Variants in MYOCD observed in about 807,000 individuals in gnomAD.
MYOCD encodes the protein myocardin.
A neutral mutation model predicts 96.1 loss-of-function variants in MYOCD; 32 were observed. The ratio of observed to expected loss-of-function variants is 0.33; its 90% CI spans 0.25 to 0.45. The LOEUF (loss-of-function observed/expected upper bound fraction) is 0.45. Ranked by LOEUF, MYOCD falls within the 20% of genes least tolerant of loss-of-function variation. The pLI is 1.00. For synonymous variants in MYOCD, 469 were observed against 469.0 expected (o/e 1.00, Z 0.00); for missense variants, 1,133 against 1,200.6 (o/e 0.94, Z 0.83).
intron 6 of MYOCD, among the ~76,000 whole-genome samples, chr17:12,738,560 A>G (rs1054125427): frequency 1.3e-5 from 2 of 152,032 alleles, no homozygotes; most frequent in African/African-American, 2.4e-5. Context: ...TACACCTAAC[A>G]TGCACACACA....
intron 1 of MYOCD, among the ~76,000 whole-genome samples, chr17:12,700,149 T>C (rs1247350921): frequency 6.6e-6 from 1 of 151,950 alleles, no homozygotes; most frequent in African/African-American, 2.4e-5. Context: ...GACCTCGTGA[T>C]CCACTCACCT....
chr17:12,752,766 C>A lies in MYOCD; in HGVS notation c.1478C>A (p.Thr493Lys), dbSNP rs774155323. Residue 493 changes from threonine (T) to lysine (K), a missense_variant, in exon 10 of 14, where the codon ACG (threonine) becomes AAG (lysine). Thr to Lys is a moderately conservative substitution (Grantham distance 78, BLOSUM62 -1). Coordinates refer to ENST00000425538, the MANE Select transcript of MYOCD (RefSeq NM_001146312.3). ...GLHPSPVHVCTEESLMSSLNG... is the reference protein window; with the variant it reads ...GLHPSPVHVCKEESLMSSLNG... ...CACCCGTCCCCAGTCCACGTGTGCA[C>A]GGAGGAAAGTCTCATGAGCAGCCTG... 1 of 1,614,066 alleles carries A rather than the reference C, an allele frequency of 6.2e-7. No individual in the cohort carries two copies. The highest frequency in any genetic ancestry group is 2.2e-5 in the East Asian group (1 of 44,868).
At chr17:12,716,081 A>G (rs1441902394) in intron 3 of MYOCD, among the ~76,000 whole-genome samples, 1 of 152,204 alleles carries the variant, frequency 6.6e-6, no homozygotes, top group African/African-American at 2.4e-5. Flanking sequence ...CTGTACCTTC[A>G]TAACAAATCT....
At chr17:12,683,455 G>A (rs936071145) in intron 1 of MYOCD, among the ~76,000 whole-genome samples, 2 of 151,700 alleles carry the variant, frequency 1.3e-5, no homozygotes, top group Non-Finnish European at 2.9e-5. Flanking sequence ...GCTTTCTCTC[G>A]TGCGCGCGCG....
chr17:12,763,178 C>T lies in MYOCD; in HGVS notation c.2495C>T (p.Ser832Phe). Residue 832 changes from serine (S) to phenylalanine (F), a missense_variant, in exon 14 of 14, where the codon TCC (serine) becomes TTC (phenylalanine). By Grantham distance (155) the Ser-to-Phe change is radical (BLOSUM62 -2). Transcript: ENST00000425538. Reference sequence around the variant, plus strand: ...GCTGTCCTCACCAAGCCCTCGGCTTCCTTTGAACAAGCCTCTTCAGGCAGC... The same window carrying T: ...GCTGTCCTCACCAAGCCCTCGGCTTTCTTTGAACAAGCCTCTTCAGGCAGC... ...PTAVLTKPSA[S>F]FEQASSGSQI... 6.2e-7 allele frequency: 1 copy of T among 1,614,202 alleles called. No individual in the cohort carries two copies. Among genetic ancestry groups the T allele is most frequent in the Non-Finnish European group, 8.5e-7 (1 of 1,180,034 alleles).
chr17:12,670,148 G>C (rs1463177601), intron 1 of MYOCD, among the ~76,000 whole-genome samples: 1 of 152,138 alleles, frequency 6.6e-6, no homozygotes, highest in Non-Finnish European at 1.5e-5. Context: ...AGAGGCTCCA[G>C]AGGTTGGAGC....
chr17:12,690,761 C>T (rs903883055), intron 1 of MYOCD, among the ~76,000 whole-genome samples: 1 of 152,028 alleles, frequency 6.6e-6, no homozygotes, highest in African/African-American at 2.4e-5. Context: ...TTTATCAAGC[C>T]CCCCTAGGTG....
chr17:12,760,597 C>G, intron 12 of MYOCD, 53 bp from the exon 13 acceptor site: 1 of 1,441,982 alleles, frequency 6.9e-7, no homozygotes, highest in South Asian at 1.1e-5. Context: ...TGATTTCCTA[C>G]GGAGATAACC....
chr17:12,706,520 C>T (rs759380203), intron 2 of MYOCD, among the ~76,000 whole-genome samples: 4 of 152,206 alleles, frequency 2.6e-5, no homozygotes, highest in Non-Finnish European at 5.9e-5. Flanking sequence ...GGACCTGCAA[C>T]CTTTCCGTAA....
rs1235412874 is a variant in MYOCD, at chr17:12,753,349, A to G, written c.2058+3A>G. On this transcript the variant is annotated splice_donor_region_variant and intron_variant, in intron 10 of 13. Transcript: ENST00000425538. Reference sequence around the variant, plus strand: ...GCAGCCAGGTGTGCACTGCACAGGTAAGAGCACCTTGCGCCATGCCTGGTG... The same window carrying G: ...GCAGCCAGGTGTGCACTGCACAGGTGAGAGCACCTTGCGCCATGCCTGGTG... The G allele has an allele frequency of 1.9e-6, 3 of 1,559,002 alleles. No homozygotes were observed. The highest frequency in any genetic ancestry group is 2.3e-5 in the East Asian group (1 of 44,266).
chr17:12,744,238 C>A lies in MYOCD; in HGVS notation c.773C>A (p.Pro258Gln). Reference protein sequence around the residue: ...NRHKKPKDPKPKVKKLKYHQY... With the variant: ...NRHKKPKDPKQKVKKLKYHQY... ...CACAAAAAGCCCAAGGACCCCAAGC[C>A]AAAGGTGAAGAAGCTTAAATATCAC... Residue 258 changes from proline to glutamine, a missense_variant, in exon 8 of 14, where the codon CCA (proline) becomes CAA (glutamine). Coordinates refer to ENST00000425538, the MANE Select transcript of MYOCD (RefSeq NM_001146312.3). 1 of 1,614,182 alleles carries A rather than the reference C, an allele frequency of 6.2e-7. No individual in the cohort carries two copies.
intron 3 of MYOCD, 119 bp from the exon 4 acceptor site, chr17:12,717,227 G>T: frequency 1.4e-6 from 1 of 706,154 alleles, no homozygotes; most frequent in Non-Finnish European, 2.3e-6. Context: ...TCAAAATGTG[G>T]GACACCAAGA....
rs376581740 is a variant in MYOCD at position 12,754,415 on chromosome 17, T to C, written c.2058+1069T>C. On this transcript the variant is annotated intron_variant, in intron 10 of 13. Transcript: ENST00000425538. ...CCATGCCCAGCCGGAAATTTGCAAC[T>C]TTAAATAGAAGAGCCAGGGACGTTT... 3.3e-4 allele frequency among the ~76,000 whole-genome samples: 51 copies of C among 152,288 alleles called. No individual in the cohort carries two copies. In the East Asian group the frequency reaches 5.6e-3, roughly 17 times the overall value.
At chr17:12,719,728 G>A (rs1242715189) in intron 4 of MYOCD, among the ~76,000 whole-genome samples, 12 of 150,472 alleles carry the variant, frequency 8.0e-5, no homozygotes, top group African/African-American at 2.2e-4. Flanking sequence ...TTAGCCGGGC[G>A]TGGTGGCACG....
chr17:12,713,365 C>G (rs1014715392), intron 2 of MYOCD, among the ~76,000 whole-genome samples: 4 of 152,106 alleles, frequency 2.6e-5, no homozygotes, highest in African/African-American at 9.7e-5. Flanking sequence ...AATTGAACAG[C>G]CTCAGAGACA....
intron 1 of MYOCD, among the ~76,000 whole-genome samples, chr17:12,669,048 G>A (rs146111121): frequency 0.013 from 2,020 of 152,268 alleles, 49 homozygotes; most frequent in African/African-American, 0.046. Flanking sequence ...ATTGTGCTGT[G>A]TGGCAATTGT....
chr17:12,688,600 T>C (rs571040752), intron 1 of MYOCD, among the ~76,000 whole-genome samples: 1 of 149,096 alleles, frequency 6.7e-6, no homozygotes, highest in Non-Finnish European at 1.5e-5. Context: ...TTCCATCTCC[T>C]TCCTTCCTTC....
chr17:12,752,036 C>A (rs1202453586), intron 9 of MYOCD, among the ~76,000 whole-genome samples: 1 of 152,158 alleles, frequency 6.6e-6, no homozygotes, highest in African/African-American at 2.4e-5. Context: ...GCAGACTTTG[C>A]TGTACTTCAA....
rs373801076 is a variant in MYOCD at position 12,704,886 on chromosome 17, C to T, written c.56-242C>T. ...CATGGCACTGCGAAAATAACAATCA[C>T]TTCAAAGAGGAGACAAGTATTCTAA... On this transcript the variant is annotated intron_variant, in intron 1 of 13. Transcript: ENST00000425538. 3.7e-4 allele frequency: 172 copies of T among 468,586 alleles called. No individual in the cohort carries two copies. In the South Asian group the frequency reaches 4.3e-3, roughly 12 times the overall value. The allele number at this position is 468,586 out of a possible 1,614,324, so 29.0% of individuals were successfully genotyped here.
Sources: allele counts gnomAD v4.1 joint callset (sites outside exome capture counted in the v4.1 genomes callset), GRCh38; gene constraint gnomAD v4.1.1; transcripts MANE v1.5; gene names NCBI Gene and HGNC (gene_info 2026-07-23, HGNC 2026-07-21).